Variants in MCHR2 observed in about 807,000 individuals in gnomAD.
MCHR2 encodes the protein melanin-concentrating hormone receptor 2.
A neutral mutation model predicts 24.8 loss-of-function variants in MCHR2; 15 were observed. That is an observed-to-expected ratio of 0.60 (90% CI 0.40 to 0.93). MCHR2 has a LOEUF of 0.93. MCHR2 is among the 40% of genes least tolerant of loss of function. MCHR2 has a pLI of 0.00. For synonymous variants in MCHR2, 151 were observed against 147.6 expected, an observed-to-expected ratio of 1.02 and a Z score of -0.17; for missense variants, 386 against 408.7, an observed-to-expected ratio of 0.94 and a Z score of 0.48.
At chr6:99,975,297 C>T (rs2114577650) in intron 1 of MCHR2, among the ~76,000 whole-genome samples, 1 of 152,316 alleles carries the variant, frequency 6.6e-6, no homozygotes, top group Non-Finnish European at 1.5e-5. Flanking sequence ...CCCAGTCTCG[C>T]TGCCGCCTTG....
At chr6:99,991,712 C>T (rs1268736871) in intron 1 of MCHR2, among the ~76,000 whole-genome samples, 1 of 141,768 alleles carries the variant, frequency 7.1e-6, no homozygotes, top group African/African-American at 2.6e-5. Context: ...CAGGCTGAGG[C>T]AGGAGAATGG....
At chr6:99,953,678 T>C (rs889241608) in intron 2 of MCHR2, among the ~76,000 whole-genome samples, 10 of 140,650 alleles carry the variant, frequency 7.1e-5, no homozygotes, top group African/African-American at 2.6e-4. Context: ...ACTTTTTAGA[T>C]AGACGCTGCT....
intron 5 of MCHR2, among the ~76,000 whole-genome samples, chr6:99,931,455 T>A (rs6926630): frequency 0.12 from 18,305 of 152,182 alleles, 1,186 homozygotes; most frequent in African/African-American, 0.14. Context: ...GAGCCTACAG[T>A]GGCAGGCAGG....
At chr6:99,932,216 G>C (rs1774560502) in intron 5 of MCHR2, among the ~76,000 whole-genome samples, 1 of 152,098 alleles carries the variant, frequency 6.6e-6, no homozygotes, top group East Asian at 1.9e-4. Context: ...TTCAAAGCTG[G>C]AACATTTTGA....
At chr6:99,940,347 T>C (rs573592015) in intron 4 of MCHR2, among the ~76,000 whole-genome samples, 1 of 152,240 alleles carries the variant, frequency 6.6e-6, no homozygotes, top group South Asian at 2.1e-4. Context: ...TTTCCTTTGC[T>C]TGACCCGTTC....
chr6:99,989,267 T>C (rs1775823156), intron 1 of MCHR2, among the ~76,000 whole-genome samples: 1 of 152,018 alleles, frequency 6.6e-6, no homozygotes, highest in Admixed American at 6.6e-5. Context: ...CAAAAAAAAT[T>C]ATTGCCTAGA....
chr6:99,942,358 A>G (rs530683672), intron 4 of MCHR2, among the ~76,000 whole-genome samples: 152 of 151,490 alleles, frequency 1.0e-3, no homozygotes, highest in African/African-American at 3.3e-3. Flanking sequence ...CAGACATATC[A>G]CTCCAATCTC....
chr6:99,973,231 A>T (rs1775469645), intron 1 of MCHR2, among the ~76,000 whole-genome samples: 1 of 151,724 alleles, frequency 6.6e-6, no homozygotes, highest in Admixed American at 6.6e-5. Flanking sequence ...GACTTGCTTT[A>T]TGAATCTGGG....
chr6:99,987,946 A>C (rs1775800160), intron 1 of MCHR2, among the ~76,000 whole-genome samples: 1 of 152,166 alleles, frequency 6.6e-6, no homozygotes, highest in Admixed American at 6.5e-5. Flanking sequence ...TTTTTCAAAA[A>C]GGCTTTAAAA....
At chr6:99,955,136 A>T (rs1775034508) in intron 2 of MCHR2, among the ~76,000 whole-genome samples, 1 of 152,192 alleles carries the variant, frequency 6.6e-6, no homozygotes, top group African/African-American at 2.4e-5. Context: ...CTAGGATGAA[A>T]AATTTAACAT....
chr6:99,942,638 G>A (rs1307745835), intron 4 of MCHR2, among the ~76,000 whole-genome samples: 1 of 152,120 alleles, frequency 6.6e-6, no homozygotes, highest in East Asian at 1.9e-4. Context: ...AGTGACTCTG[G>A]AAATTCCTTA....
chr6:99,937,899 T>G (rs1014640123), intron 4 of MCHR2, among the ~76,000 whole-genome samples: 5 of 151,980 alleles, frequency 3.3e-5, no homozygotes, highest in Non-Finnish European at 7.4e-5. Flanking sequence ...ATTGATTTGT[T>G]GAGGCTGTTT....
intron 1 of MCHR2, among the ~76,000 whole-genome samples, chr6:99,974,288 T>A (rs560341375): frequency 6.6e-6 from 1 of 152,214 alleles, no homozygotes; most frequent in Non-Finnish European, 1.5e-5. Context: ...CAAACTTCCC[T>A]TCTCACTTCA....
At position 99,921,224 on chromosome 6, in the gene MCHR2, T is replaced by A; in HGVS notation, c.739A>T (p.Met247Leu). ...CNPSVPKQRV[M>L]KLTKMVLVLV... Reference sequence around the variant, plus strand: ...ACCAGCACCATCTTTGTCAACTTCATCACTCTCTGTTTTGGTACACTGGGA... The same window carrying A: ...ACCAGCACCATCTTTGTCAACTTCAACACTCTCTGTTTTGGTACACTGGGA... The change falls in exon 6 of 6, where the codon ATG becomes TTG. Residue 247 changes from methionine (M) to leucine (L), a missense_variant. Coordinates refer to ENST00000281806, the MANE Select transcript of MCHR2 (RefSeq NM_001040179.2). 6.2e-7 allele frequency: 1 copy of A among 1,614,042 alleles called. No individual in the cohort carries two copies. Among genetic ancestry groups the A allele is most frequent in the Non-Finnish European group, 8.5e-7 (1 of 1,179,982 alleles).
chr6:99,937,440 T>C (rs1217090409), intron 4 of MCHR2, among the ~76,000 whole-genome samples: 4 of 151,970 alleles, frequency 2.6e-5, no homozygotes, highest in Admixed American at 1.3e-4. Flanking sequence ...TATTGAATGA[T>C]GTTTTGGCAT....
chr6:99,953,199 A>G (rs1367781086), intron 2 of MCHR2, among the ~76,000 whole-genome samples: 1 of 152,182 alleles, frequency 6.6e-6, no homozygotes, highest in East Asian at 1.9e-4. Flanking sequence ...GGCTCCAGAC[A>G]TCTCTTCAAC....
chr6:99,983,162 G>A (rs1049963947), intron 1 of MCHR2, among the ~76,000 whole-genome samples: 1 of 151,872 alleles, frequency 6.6e-6, no homozygotes, highest in African/African-American at 2.4e-5. Flanking sequence ...GTAGAGACAG[G>A]GTTTTACCAT....
At chr6:99,958,820 G>C (rs1775121531) in intron 1 of MCHR2, among the ~76,000 whole-genome samples, 1 of 152,176 alleles carries the variant, frequency 6.6e-6, no homozygotes, top group Admixed American at 6.5e-5. Flanking sequence ...CCTGGGGAGA[G>C]AGAGAAAACT....
intron 4 of MCHR2, among the ~76,000 whole-genome samples, chr6:99,935,449 A>G (rs1774637124): frequency 6.6e-6 from 1 of 151,944 alleles, no homozygotes; most frequent in Non-Finnish European, 1.5e-5. Flanking sequence ...CATATAAGTG[A>G]GAAGATGTGA....
Sources: gnomAD v4.1 joint callset for allele counts (sites outside exome capture counted in the v4.1 genomes callset) on GRCh38, gnomAD v4.1.1 for gene constraint, MANE v1.5 for transcripts, NCBI Gene and HGNC (gene_info 2026-07-23, HGNC 2026-07-21) for gene names.